The following HIVEP3 variants were observed in gnomAD, a reference collection of about 807,000 sequenced individuals.
HIVEP3 encodes the protein transcription factor HIVEP3.
A neutral mutation model predicts 152.8 loss-of-function variants in HIVEP3; 49 were observed. The observed-to-expected ratio is 0.32, with a 90% CI of 0.26 to 0.41. HIVEP3 has a LOEUF of 0.41. HIVEP3 is among the 10% of genes least tolerant of loss of function. The pLI is 1.00. For missense variants in HIVEP3, 2,790 were observed against 3,103.3 expected (o/e 0.90, Z 2.40); for synonymous variants, 1,269 against 1,289.0 (o/e 0.98, Z 0.33).
intron 1 of HIVEP3, among the ~76,000 whole-genome samples, chr1:41,964,469 T>A (rs1469382432): frequency 6.6e-6 from 1 of 152,092 alleles, no homozygotes; most frequent in Admixed American, 6.5e-5. Flanking sequence ...CACACAGAGC[T>A]ATGCAGATGC....
At chr1:41,688,155 G>A (rs540430921) in intron 2 of HIVEP3, among the ~76,000 whole-genome samples, 35 of 152,194 alleles carry the variant, frequency 2.3e-4, no homozygotes, top group Non-Finnish European at 4.0e-4. Context: ...TGCTTGACAG[G>A]TGACCTCCAG....
At chr1:41,560,335 A>G (rs892941524) in intron 5 of HIVEP3, among the ~76,000 whole-genome samples, 6 of 152,192 alleles carry the variant, frequency 3.9e-5, no homozygotes, top group African/African-American at 9.6e-5. Flanking sequence ...ACCTAGTGCT[A>G]AACTGGGACA....
chr1:41,783,229 C>T (rs909524173), intron 1 of HIVEP3, among the ~76,000 whole-genome samples: 5 of 151,976 alleles, frequency 3.3e-5, no homozygotes, highest in Non-Finnish European at 2.9e-5. Flanking sequence ...AGATTGTTGT[C>T]GGGTGTGGGT....
chr1:41,660,768 C>T (rs1255887081), intron 2 of HIVEP3, among the ~76,000 whole-genome samples: 1 of 152,130 alleles, frequency 6.6e-6, no homozygotes, highest in Non-Finnish European at 1.5e-5. Flanking sequence ...TGCAGGACTT[C>T]TCAGAGCCTT....
intron 2 of HIVEP3, among the ~76,000 whole-genome samples, chr1:41,631,034 T>A (rs896024976): frequency 2.0e-5 from 3 of 152,256 alleles, no homozygotes; most frequent in African/African-American, 7.2e-5. Flanking sequence ...TGGTTTTTAA[T>A]AACTGACTTG....
chr1:41,732,236 G>T (rs1286830802), intron 1 of HIVEP3, among the ~76,000 whole-genome samples: 1 of 152,168 alleles, frequency 6.6e-6, no homozygotes, highest in East Asian at 1.9e-4. Flanking sequence ...GTTCTCCAGT[G>T]GCTCTCATCT....
chr1:41,755,494 C>T (rs1479012959), intron 1 of HIVEP3, among the ~76,000 whole-genome samples: 1 of 151,708 alleles, frequency 6.6e-6, no homozygotes, highest in Middle Eastern at 3.4e-3. Flanking sequence ...CGCATAAGAC[C>T]CTGTTAAGAG....
At chr1:41,725,212 G>A (rs1281297434) in intron 1 of HIVEP3, among the ~76,000 whole-genome samples, 1 of 152,192 alleles carries the variant, frequency 6.6e-6, no homozygotes. Context: ...GCTGTGAATG[G>A]CATCCCTGAA....
chr1:41,627,114 A>G (rs1645128659), intron 3 of HIVEP3, among the ~76,000 whole-genome samples: 1 of 152,208 alleles, frequency 6.6e-6, no homozygotes, highest in Admixed American at 6.5e-5. Flanking sequence ...GCCAGAGGGC[A>G]GGGCATGCAG....
intron 5 of HIVEP3, among the ~76,000 whole-genome samples, chr1:41,549,901 G>A (rs540995431): frequency 6.6e-6 from 1 of 152,242 alleles, no homozygotes; most frequent in East Asian, 1.9e-4. Flanking sequence ...TGTCTATTTT[G>A]GCTTTTGTTG....
chr1:41,549,878 A>G (rs910035368), intron 5 of HIVEP3, among the ~76,000 whole-genome samples: 5 of 152,118 alleles, frequency 3.3e-5, no homozygotes, highest in African/African-American at 1.2e-4. Context: ...CTTTAGTTTA[A>G]TTAGATCCCA....
intron 1 of HIVEP3, among the ~76,000 whole-genome samples, chr1:42,029,182 A>T (rs1645598642): frequency 6.6e-6 from 1 of 152,178 alleles, no homozygotes; most frequent in Non-Finnish European, 1.5e-5. Flanking sequence ...AATGTTTCTC[A>T]GGGGGGTTCA....
At chr1:41,944,745 T>C (rs74067970) in intron 1 of HIVEP3, among the ~76,000 whole-genome samples, 2,598 of 152,244 alleles carry the variant, frequency 0.017, 81 homozygotes, top group African/African-American at 0.06. Flanking sequence ...TGATGCACCC[T>C]GGAAAGGAAA....
Position 41,584,398 on chromosome 1 carries a change from C to A in HIVEP3, c.400G>T (p.Val134Leu), listed in dbSNP as rs141969337. 5 of 1,613,728 alleles carry A rather than the reference C, an allele frequency of 3.1e-6. No homozygotes were observed. The African/African-American group carries it at 4.0e-5, about 13-fold the overall frequency. ...PMRPGPSGSFVAPGLHPQSQL... is the reference protein window; with the variant it reads ...PMRPGPSGSFLAPGLHPQSQL... ...CTCTGAGGATGGAGCCCAGGGGCCACGAAGGAGCCAGAGGGTCCAGGTCTC... is the reference window on the plus strand; with the variant it reads ...CTCTGAGGATGGAGCCCAGGGGCCAAGAAGGAGCCAGAGGGTCCAGGTCTC... Residue 134 changes from valine to leucine, a missense_variant, in exon 4 of 9, where the codon GTG becomes TTG. Around this residue, in one of 9 missense-constraint regions of HIVEP3, gnomAD observed 209 missense variants for 237.0 expected, o/e 0.88. Transcript: ENST00000372583. This position sits in a 1 kb window ranked among gnomAD's most constrained non-coding sequence, Gnocchi z 5.2.
chr1:41,758,269 C>T (rs1647447511), intron 1 of HIVEP3, among the ~76,000 whole-genome samples: 1 of 152,014 alleles, frequency 6.6e-6, no homozygotes, highest in Non-Finnish European at 1.5e-5. Flanking sequence ...GAGATCTTCA[C>T]AATAGTGAGG....
At chr1:41,981,084 GC>G (rs2124509969) in intron 1 of HIVEP3, among the ~76,000 whole-genome samples, 1 of 152,280 alleles carries the variant, frequency 6.6e-6, no homozygotes, top group East Asian at 1.9e-4. Context: ...ATTCGCTTCT[GC>G]AAGGTGTGGG....
At chr1:41,669,218 G>A (rs892173840) in intron 2 of HIVEP3, among the ~76,000 whole-genome samples, 10 of 152,328 alleles carry the variant, frequency 6.6e-5, no homozygotes, top group Middle Eastern at 6.8e-3. Context: ...AAAGGGCTGA[G>A]TCAGGCGAAC....
chr1:41,988,554 A>T (rs1221608628), intron 1 of HIVEP3, among the ~76,000 whole-genome samples: 1 of 152,200 alleles, frequency 6.6e-6, no homozygotes, highest in Admixed American at 6.5e-5. Flanking sequence ...TATCAAAAAG[A>T]TGAGAAATAA....
chr1:41,778,377 C>G (rs568960321), intron 1 of HIVEP3, among the ~76,000 whole-genome samples: 3 of 152,346 alleles, frequency 2.0e-5, no homozygotes, highest in East Asian at 3.9e-4. Context: ...GGGTTCCTGA[C>G]ACTCACCATG....
Sources: gnomAD v4.1 joint callset for allele counts (sites outside exome capture counted in the v4.1 genomes callset) on GRCh38, gnomAD v4.1.1 for gene constraint, gnomAD v4.1.1 regional missense constraint, Gnocchi (gnomAD v3.1) non-coding constraint, MANE v1.5 for transcripts, NCBI Gene and HGNC (gene_info 2026-07-23, HGNC 2026-07-21) for gene names.